SYTL3: variants seen among roughly 807,000 people sequenced by gnomAD.
The protein encoded by SYTL3 is synaptotagmin-like protein 3.
A neutral mutation model predicts 82.1 loss-of-function variants in SYTL3; 88 were observed. The observed-to-expected ratio is 1.07, with a 90% CI of 0.90 to 1.28. The LOEUF (loss-of-function observed/expected upper bound fraction) is 1.28. Ranked by LOEUF, SYTL3 falls within the 50% of genes most tolerant of loss-of-function variation. The pLI is 0.00. For missense variants in SYTL3, 831 were observed against 757.6 expected, an observed-to-expected ratio of 1.10 and a Z score of -1.14; for synonymous variants, 311 against 289.4, an observed-to-expected ratio of 1.07 and a Z score of -0.76.
chr6:158,757,121 TG>T (rs1789226110), intron 13 of SYTL3, 89 bp from the exon 14 acceptor site: 2 of 1,320,228 alleles, frequency 1.5e-6, no homozygotes, highest in Admixed American at 5.1e-5. Context: ...CCCCGGGAAG[TG>T]GGGCCCTGGA....
intron 14 of SYTL3, 38 bp downstream of exon 14, chr6:158,757,419 A>T: frequency 6.2e-7 from 1 of 1,601,648 alleles, no homozygotes; most frequent in Non-Finnish European, 8.5e-7. Flanking sequence ...CTCCATCCCC[A>T]CTGTGATAGA....
At chr6:158,682,239 G>T (rs1417334041) in intron 5 of SYTL3, among the ~76,000 whole-genome samples, 2 of 151,092 alleles carry the variant, frequency 1.3e-5, no homozygotes, top group Admixed American at 1.3e-4. Context: ...GCGCCTGGCT[G>T]ATACATTGGT....
chr6:158,755,006 T>C (rs1788888878), intron 13 of SYTL3, among the ~76,000 whole-genome samples: 1 of 152,030 alleles, frequency 6.6e-6, no homozygotes, highest in African/African-American at 2.4e-5. Flanking sequence ...ATCACATCAA[T>C]CCAGAGTTTA....
At chr6:158,758,405 T>G (rs1789431941) in intron 14 of SYTL3, among the ~76,000 whole-genome samples, 2 of 150,444 alleles carry the variant, frequency 1.3e-5, no homozygotes, top group African/African-American at 4.9e-5. Context: ...ACCACTGCAC[T>G]TCAGCCTGGC....
intron 2 of SYTL3, among the ~76,000 whole-genome samples, chr6:158,660,209 G>A (rs1439674660): frequency 6.6e-6 from 1 of 152,026 alleles, no homozygotes; most frequent in Non-Finnish European, 1.5e-5. Flanking sequence ...AGGTTGCAGT[G>A]AGCCGAGATC....
chr6:158,686,050 A>G (rs77608697), intron 6 of SYTL3, among the ~76,000 whole-genome samples: 1,901 of 152,266 alleles, frequency 0.012, 44 homozygotes, highest in African/African-American at 0.043. Context: ...AGTAGTTTTC[A>G]TGTGTGCATG....
chr6:158,699,698 G>A (rs1398666305), intron 6 of SYTL3, among the ~76,000 whole-genome samples: 3 of 151,560 alleles, frequency 2.0e-5, no homozygotes, highest in East Asian at 2.0e-4. Context: ...TTGTAATCCC[G>A]GCACTTTGGG....
chr6:158,723,518 TC>T (rs1784373810), intron 10 of SYTL3, among the ~76,000 whole-genome samples: 1 of 152,284 alleles, frequency 6.6e-6, no homozygotes, highest in African/African-American at 2.4e-5. Flanking sequence ...CCTTTTTTTT[TC>T]CTCGAAATGT....
At chr6:158,690,114 G>A (rs1212408675) in intron 6 of SYTL3, among the ~76,000 whole-genome samples, 3 of 152,314 alleles carry the variant, frequency 2.0e-5, no homozygotes, top group East Asian at 1.9e-4. Flanking sequence ...CCAGCCCTGC[G>A]CTCCAGCGGG....
At chr6:158,753,468 C>T (rs1413251010) in intron 13 of SYTL3, among the ~76,000 whole-genome samples, 10 of 152,150 alleles carry the variant, frequency 6.6e-5, no homozygotes, top group African/African-American at 2.4e-4. Flanking sequence ...CGGTGGCTCA[C>T]GCCTGTAATC....
At chr6:158,756,584 C>T (rs1295439339) in intron 13 of SYTL3, among the ~76,000 whole-genome samples, 1 of 151,902 alleles carries the variant, frequency 6.6e-6, no homozygotes, top group Non-Finnish European at 1.5e-5. Flanking sequence ...TGGTGTTGGG[C>T]GTCTATAGTC....
chr6:158,704,649 G>C (rs1366665574), intron 6 of SYTL3, among the ~76,000 whole-genome samples: 1 of 152,254 alleles, frequency 6.6e-6, no homozygotes, highest in Admixed American at 6.5e-5. Context: ...GGGTGACCCC[G>C]CAGGGTGGGG....
At chr6:158,735,641 A>C (rs1185625211) in intron 11 of SYTL3, among the ~76,000 whole-genome samples, 1 of 152,240 alleles carries the variant, frequency 6.6e-6, no homozygotes, top group African/African-American at 2.4e-5. Flanking sequence ...AACAAAAAAC[A>C]AAAAACCCAG....
At position 158,758,211 on chromosome 6, in the gene SYTL3, C is replaced by T. The variant is rs761480358; in HGVS notation, c.1308+830C>T. Among the ~76,000 whole-genome samples the T allele has an allele frequency of 5.9e-5, 9 of 151,998 alleles. No individual in the cohort carries two copies. In the East Asian group the frequency reaches 7.7e-4, roughly 13 times the overall value. On this transcript the variant is annotated intron_variant, in intron 14 of 17. Transcript: ENST00000611299. ...ATCCCAGCACTTTGGGAGGCCGAGG[C>T]GGGCAGATCACAAGGTCAGGAGATT...
At chr6:158,731,389 T>G (rs1785394428) in intron 11 of SYTL3, among the ~76,000 whole-genome samples, 1 of 151,118 alleles carries the variant, frequency 6.6e-6, no homozygotes, top group African/African-American at 2.4e-5. Context: ...CATCAAAAAA[T>G]AAAAAGAAAA....
chr6:158,691,117 T>C (rs1391696813), intron 6 of SYTL3, among the ~76,000 whole-genome samples: 2 of 151,800 alleles, frequency 1.3e-5, no homozygotes, highest in African/African-American at 4.8e-5. Context: ...GAGGATGAGG[T>C]GGGAGGATCG....
intron 11 of SYTL3, among the ~76,000 whole-genome samples, chr6:158,743,309 G>A (rs1395150073): frequency 6.6e-6 from 1 of 152,176 alleles, no homozygotes; most frequent in Non-Finnish European, 1.5e-5. Context: ...CAGCATCTTG[G>A]CCCCTTGCAT....
intron 9 of SYTL3, among the ~76,000 whole-genome samples, chr6:158,714,705 A>G (rs555575241): frequency 2.6e-5 from 4 of 152,278 alleles, no homozygotes; most frequent in African/African-American, 9.6e-5. Context: ...TAGTGTGCTC[A>G]AGGGTCCTTA....
At chr6:158,752,142 A>G (rs1424618893) in intron 13 of SYTL3, 112 bp downstream of exon 13, 2 of 592,902 alleles carry the variant, frequency 3.4e-6, no homozygotes. Context: ...TAGATATAAT[A>G]CAGACACCTA....
Sources: gnomAD v4.1 joint callset for allele counts (sites outside exome capture counted in the v4.1 genomes callset) on GRCh38, gnomAD v4.1.1 for gene constraint, MANE v1.5 for transcripts, NCBI Gene and HGNC (gene_info 2026-07-23, HGNC 2026-07-21) for gene names.